RORB: variants seen among roughly 807,000 people sequenced by gnomAD.
The protein encoded by RORB is nuclear receptor ROR-beta.
In RORB, 6 loss-of-function variants were observed where a neutral mutation model predicts 59.1. The ratio of observed to expected loss-of-function variants is 0.10; its 90% CI spans 0.06 to 0.20. The LOEUF (loss-of-function observed/expected upper bound fraction) is 0.20, where lower values mean the gene tolerates loss of function less well. RORB is among the 10% of genes least tolerant of loss of function. RORB has a pLI of 1.00. For missense variants in RORB, 320 were observed against 560.5 expected (o/e 0.57, Z 4.33); for synonymous variants, 215 against 204.5 (o/e 1.05, Z -0.44).
intron 4 of RORB, among the ~76,000 whole-genome samples, chr9:74,654,876 A>C (rs1195710934): frequency 6.6e-6 from 1 of 152,198 alleles, no homozygotes; most frequent in Non-Finnish European, 1.5e-5. Flanking sequence ...ACATGTGAGA[A>C]TATAGAAGGG....
intron 4 of RORB, among the ~76,000 whole-genome samples, chr9:74,650,801 C>A (rs1218808691): frequency 6.6e-6 from 1 of 152,014 alleles, no homozygotes; most frequent in Non-Finnish European, 1.5e-5. Context: ...TTTAAATTAC[C>A]ATGTACTTTT....
At chr9:74,608,374 G>A (rs1563951441) in intron 1 of RORB, among the ~76,000 whole-genome samples, 1 of 151,930 alleles carries the variant, frequency 6.6e-6, no homozygotes, top group Non-Finnish European at 1.5e-5. Context: ...GACCATCCTG[G>A]CTAACACGCT....
chr9:74,621,787 C>T (rs115236379), intron 1 of RORB, among the ~76,000 whole-genome samples: 2 of 152,184 alleles, frequency 1.3e-5, no homozygotes, highest in African/African-American at 4.8e-5. Context: ...ATAGTGGCAC[C>T]TCATTGCTTT....
intron 1 of RORB, among the ~76,000 whole-genome samples, chr9:74,610,949 C>A (rs552609300): frequency 3.3e-5 from 5 of 152,158 alleles, no homozygotes; most frequent in Non-Finnish European, 7.3e-5. Flanking sequence ...TTTTCAAGAA[C>A]CTCCGTGGGA....
rs2118599834 is a variant in RORB, at chr9:74,692,067, A to AAGAT, written c.*6451_*6454dup. 6.6e-6 allele frequency: 1 copy of AAGAT among 152,342 alleles called. No homozygotes were observed. Among genetic ancestry groups the AAGAT allele is most frequent in the African/African-American group, 2.4e-5 (1 of 41,590 alleles). The allele number at this position is 152,342 out of a possible 1,614,324, so 9.4% of individuals were successfully genotyped here. On this transcript the variant is annotated 3_prime_UTR_variant, in exon 10 of 10. Coordinates refer to ENST00000376896, the MANE Select transcript of RORB (RefSeq NM_006914.4). ...AAACAAACTCCGCTTTCTGATGAACAAGATATTTTTGTACACATTTATTTC... is the reference window on the plus strand; with the variant it reads ...AAACAAACTCCGCTTTCTGATGAACAAGATAGATATTTTTGTACACATTTATTTC...
intron 1 of RORB, among the ~76,000 whole-genome samples, chr9:74,555,300 G>A (rs1435949633): frequency 6.6e-6 from 1 of 152,184 alleles, no homozygotes; most frequent in Non-Finnish European, 1.5e-5. Context: ...CCACAGTGGG[G>A]ACCTTTGTCC....
At chr9:74,582,165 A>T (rs1005537490) in intron 1 of RORB, among the ~76,000 whole-genome samples, 1 of 152,174 alleles carries the variant, frequency 6.6e-6, no homozygotes, top group African/African-American at 2.4e-5. Context: ...CTTTAAGTGG[A>T]GTGGGAAAAT....
intron 9 of RORB, among the ~76,000 whole-genome samples, chr9:74,675,301 GA>G (rs5898373): frequency 2.2e-4 from 32 of 145,324 alleles, no homozygotes; most frequent in Admixed American, 7.6e-4. Context: ...TAAAGCTCAT[GA>G]AAAAAAAAAT....
intron 1 of RORB, among the ~76,000 whole-genome samples, chr9:74,600,878 A>G (rs890382460): frequency 6.6e-6 from 1 of 152,174 alleles, no homozygotes; most frequent in Middle Eastern, 3.2e-3. Flanking sequence ...TCCCTTTAAA[A>G]TTATAATTCT....
At chr9:74,503,881 C>G (rs1825834839) in intron 1 of RORB, among the ~76,000 whole-genome samples, 1 of 151,946 alleles carries the variant, frequency 6.6e-6, no homozygotes, top group Non-Finnish European at 1.5e-5. Flanking sequence ...CCCTTTCAAC[C>G]CCTGACCCCA....
rs1381409876 is a variant in RORB, at chr9:74,675,800, GT to G, written c.1224+3902del. On this transcript the variant is annotated intron_variant, in intron 9 of 9. Transcript: ENST00000376896. ...ATGCTGCCATGACTCACTTTAGGAG[GT>G]TTACTTCCTCAGTGAAGACAGCTGT... Among the ~76,000 whole-genome samples, 51 of 152,298 alleles carry G rather than the reference GT, an allele frequency of 3.3e-4. 1 individual carries two copies. In the South Asian group the frequency reaches 7.9e-3, roughly 24 times the overall value.
intron 4 of RORB, among the ~76,000 whole-genome samples, chr9:74,655,146 C>G (rs1310100385): frequency 6.6e-6 from 1 of 152,068 alleles, no homozygotes; most frequent in Non-Finnish European, 1.5e-5. Flanking sequence ...TTGAACAAAC[C>G]TCTGTCTCAC....
At chr9:74,538,205 A>G (rs1193258756) in intron 1 of RORB, among the ~76,000 whole-genome samples, 1 of 152,084 alleles carries the variant, frequency 6.6e-6, no homozygotes, top group Non-Finnish European at 1.5e-5. Context: ...AGGCTATACC[A>G]TTTAGACTTG....
intron 1 of RORB, among the ~76,000 whole-genome samples, chr9:74,518,608 C>T (rs1041775435): frequency 2.0e-5 from 3 of 152,090 alleles, no homozygotes; most frequent in Admixed American, 2.0e-4. Flanking sequence ...AGAATGTGGG[C>T]TGTGGTTGTC....
intron 1 of RORB, among the ~76,000 whole-genome samples, chr9:74,512,701 G>A (rs1825958765): frequency 6.6e-6 from 1 of 152,126 alleles, no homozygotes; most frequent in Non-Finnish European, 1.5e-5. Context: ...ATTGAGAAAT[G>A]TTGCCCTAGG....
At chr9:74,659,481 CTTGTTTTGTT>C (rs139924184) in intron 4 of RORB, among the ~76,000 whole-genome samples, 1 of 151,860 alleles carries the variant, frequency 6.6e-6, no homozygotes. Context: ...TCACAGCAGG[CTTGTTTTGTT>C]TTGTTTTGTT....
chr9:74,594,459 G>C (rs1822943906), intron 1 of RORB, among the ~76,000 whole-genome samples: 1 of 152,080 alleles, frequency 6.6e-6, no homozygotes, highest in Non-Finnish European at 1.5e-5. Context: ...GGGGCTATCT[G>C]CATACAAAAT....
intron 3 of RORB, among the ~76,000 whole-genome samples, chr9:74,641,625 G>T (rs1347276167): frequency 1.3e-5 from 2 of 152,160 alleles, no homozygotes; most frequent in East Asian, 3.9e-4. Flanking sequence ...GCCTGGCCGG[G>T]TGCAGTGGCT....
intron 1 of RORB, among the ~76,000 whole-genome samples, chr9:74,536,330 G>A (rs1826321800): frequency 6.6e-6 from 1 of 151,796 alleles, no homozygotes; most frequent in Admixed American, 6.6e-5. Context: ...AGGAGAATGA[G>A]GAAGAAAAGA....
Sources: gnomAD v4.1 joint callset for allele counts (sites outside exome capture counted in the v4.1 genomes callset) on GRCh38, gnomAD v4.1.1 for gene constraint, MANE v1.5 for transcripts, NCBI Gene and HGNC (gene_info 2026-07-23, HGNC 2026-07-21) for gene names.